Variants in PRELID2 observed in about 807,000 individuals in gnomAD.
The protein encoded by PRELID2 is PRELI domain-containing protein 2.
In PRELID2, 25 loss-of-function variants were observed where a neutral mutation model predicts 28.4. The ratio of observed to expected loss-of-function variants is 0.88; its 90% CI spans 0.64 to 1.23. PRELID2 has a LOEUF of 1.23. PRELID2 is among the 50% of genes most tolerant of loss of function. The probability of loss-of-function intolerance (pLI) is 0.00; values close to 1 mark genes in which losing one functional copy is unlikely to be tolerated. For missense variants in PRELID2, 201 were observed against 214.4 expected (o/e 0.94, Z 0.39); for synonymous variants, 76 against 71.6 (o/e 1.06, Z -0.31).
chr5:145,817,198 A>AAAAAAAAAAATATAT (rs1365517052), intron 4 of PRELID2, among the ~76,000 whole-genome samples: 2 of 70,094 alleles, frequency 2.9e-5, no homozygotes, highest in African/African-American at 8.5e-5. Flanking sequence ...TTCAAAAAAA[A>AAAAAAAAAAATATAT]ATAAATAAAT....
intron 1 of PRELID2, among the ~76,000 whole-genome samples, chr5:145,546,962 G>C (rs1453617953): frequency 3.9e-5 from 6 of 152,014 alleles, no homozygotes; most frequent in African/African-American, 1.5e-4. Context: ...TGTTAAAGCG[G>C]GAGTAATACC....
At chr5:145,503,807 G>A (rs929156215) in intron 1 of PRELID2, among the ~76,000 whole-genome samples, 3 of 152,096 alleles carry the variant, frequency 2.0e-5, no homozygotes, top group Admixed American at 6.6e-5. Context: ...AAACTCATTC[G>A]ATCATGAATC....
the PRELID2 span, among the ~76,000 whole-genome samples, chr5:145,247,632 C>T: frequency 2.9e-4 from 44 of 152,258 alleles, no homozygotes; most frequent in Non-Finnish European, 6.2e-4. Context: ...GAATGCCAAT[C>T]AGGCATGCCC....
Position 145,536,643 on chromosome 5 carries a change from C to CA in PRELID2, n.71-63329dup, listed in dbSNP as rs542607720. 2.6e-3 allele frequency among the ~76,000 whole-genome samples: 388 copies of CA among 151,948 alleles called. 2 individuals are homozygous for CA. Among genetic ancestry groups the CA allele is most frequent in the African/African-American group, 8.9e-3 (368 of 41,502 alleles). On this transcript the variant is annotated intron_variant and non_coding_transcript_variant, in intron 1 of 2. Coordinates refer to the PRELID2 transcript ENST00000510259. ...GATACAATGTCCCTCCCTCGGAGTC[C>CA]ATAGGGGCCAGGATACTTCCATGTA...
the PRELID2 span, among the ~76,000 whole-genome samples, chr5:145,311,287 C>G: frequency 1.3e-5 from 2 of 152,168 alleles, no homozygotes; most frequent in African/African-American, 4.8e-5. Flanking sequence ...GCAGCTCGCA[C>G]TGGTTGATAA....
At chr5:145,782,830 A>C (rs764946694) in intron 5 of PRELID2, among the ~76,000 whole-genome samples, 25 of 152,234 alleles carry the variant, frequency 1.6e-4, no homozygotes, top group Non-Finnish European at 3.5e-4. Context: ...CAGACAGAAA[A>C]ATCTTGGTTA....
At position 145,742,220 on chromosome 5, in the gene PRELID2, T is replaced by A. The variant is rs1456820261; in HGVS notation, n.70+22711A>T. Among the ~76,000 whole-genome samples the A allele has an allele frequency of 1.3e-4, 18 of 139,942 alleles. No homozygotes were observed. The East Asian group carries it at 2.3e-3, about 18-fold the overall frequency. 91.8% of individuals were successfully genotyped at this position (139,942 alleles called of 152,430 possible). On this transcript the variant is annotated intron_variant and non_coding_transcript_variant, in intron 1 of 2. Coordinates refer to the PRELID2 transcript ENST00000510259. Reference sequence around the variant, plus strand: ...ATAATATATAAATATACATTTTTATTTATATATAAATAAAATATATTTTTA... The same window carrying A: ...ATAATATATAAATATACATTTTTATATATATATAAATAAAATATATTTTTA...
At chr5:145,416,773 T>C in the PRELID2 span, among the ~76,000 whole-genome samples, 24 of 151,634 alleles carry the variant, frequency 1.6e-4, no homozygotes, top group African/African-American at 5.8e-4. Context: ...GCTAGCAGAA[T>C]ACAAGAAATA....
At chr5:145,438,260 G>GA in the PRELID2 span, among the ~76,000 whole-genome samples, 25 of 151,852 alleles carry the variant, frequency 1.6e-4, no homozygotes, top group African/African-American at 5.5e-4. Flanking sequence ...GAGATTTGGG[G>GA]AAAAAATAGA....
At chr5:145,414,385 C>T in the PRELID2 span, among the ~76,000 whole-genome samples, 1 of 152,148 alleles carries the variant, frequency 6.6e-6, no homozygotes, top group Non-Finnish European at 1.5e-5. Flanking sequence ...AAGTAACCCC[C>T]CAGGCCTGCT....
At chr5:145,804,119 A>T (rs900206465) in intron 4 of PRELID2, among the ~76,000 whole-genome samples, 4 of 152,218 alleles carry the variant, frequency 2.6e-5, no homozygotes, top group African/African-American at 9.7e-5. Context: ...GGTATGCCAT[A>T]ACATTAAGAA....
At chr5:145,267,995 C>T in the PRELID2 span, among the ~76,000 whole-genome samples, 58 of 151,860 alleles carry the variant, frequency 3.8e-4, no homozygotes, top group Middle Eastern at 3.4e-3. Context: ...ATTTTTAAAT[C>T]AGATAATATT....
At chr5:145,670,171 C>T (rs1403570749) in intron 1 of PRELID2, among the ~76,000 whole-genome samples, 1 of 152,116 alleles carries the variant, frequency 6.6e-6, no homozygotes, top group Non-Finnish European at 1.5e-5. Context: ...GCATTAGCAT[C>T]TGCTTCTGGT....
intron 1 of PRELID2, among the ~76,000 whole-genome samples, chr5:145,669,361 C>A (rs909289658): frequency 5.9e-5 from 9 of 152,056 alleles, no homozygotes; most frequent in Admixed American, 5.2e-4. Context: ...TTAGTGAATT[C>A]TACCATATGG....
chr5:145,777,118 AC>A (rs1345647486), intron 5 of PRELID2, among the ~76,000 whole-genome samples: 2 of 152,244 alleles, frequency 1.3e-5, no homozygotes, highest in Admixed American at 1.3e-4. Flanking sequence ...AATTTGGCCA[AC>A]AAATTCAGGT....
At chr5:145,640,434 C>A (rs1341339698) in intron 1 of PRELID2, among the ~76,000 whole-genome samples, 1 of 148,504 alleles carries the variant, frequency 6.7e-6, no homozygotes, top group Non-Finnish European at 1.5e-5. Flanking sequence ...CGAGATCGCG[C>A]CACTGCACTC....
intron 4 of PRELID2, among the ~76,000 whole-genome samples, chr5:145,800,764 T>C (rs774753519): frequency 6.6e-6 from 1 of 152,210 alleles, no homozygotes; most frequent in Non-Finnish European, 1.5e-5. Flanking sequence ...TTTATCCTAC[T>C]ATATTTTAAG....
the PRELID2 span, among the ~76,000 whole-genome samples, chr5:145,294,553 A>T: frequency 2.0e-5 from 3 of 152,180 alleles, no homozygotes; most frequent in African/African-American, 7.2e-5. Context: ...ATTTCACAAC[A>T]ATAAGGGCTG....
chr5:145,370,774 G>C, the PRELID2 span, among the ~76,000 whole-genome samples: 269 of 152,114 alleles, frequency 1.8e-3, 1 homozygote, highest in African/African-American at 6.1e-3. Flanking sequence ...TTTCTCGTTT[G>C]TTTCCTCTCT....
Sources: allele counts gnomAD v4.1 joint callset (sites outside exome capture counted in the v4.1 genomes callset), GRCh38; gene constraint gnomAD v4.1.1; transcripts MANE v1.5; gene names NCBI Gene and HGNC (gene_info 2026-07-23, HGNC 2026-07-21).